TCF12: variants seen among roughly 807,000 people sequenced by gnomAD.
The protein encoded by TCF12 is transcription factor 12, also known as DNA-binding protein HTF4.
In TCF12, 45 loss-of-function variants were observed where a neutral mutation model predicts 86.0. That is an observed-to-expected ratio of 0.52 (90% CI 0.41 to 0.67). TCF12 has a LOEUF of 0.67. Among genes scored for constraint, TCF12 ranks in the 30% least tolerant of loss-of-function variants. The pLI, the probability that TCF12 is intolerant of heterozygous loss-of-function variation, is 0.00. For missense variants in TCF12, 881 were observed against 859.9 expected (o/e 1.02, Z -0.31); for synonymous variants, 330 against 299.6 (o/e 1.10, Z -1.05).
At position 57,288,273 on chromosome 15, in the gene TCF12, T is replaced by C. The variant is rs1169724845; in HGVS notation, c.*2128T>C. The C allele has an allele frequency of 6.6e-6, 1 of 152,658 alleles. No homozygotes were observed. The highest frequency in any genetic ancestry group is 1.5e-5 in the Non-Finnish European group (1 of 68,034). The allele number at this position is 152,658 out of a possible 1,614,324, so 9.5% of individuals were successfully genotyped here. A position where few individuals can be genotyped will look rare whatever the true frequency, so the allele number is the denominator to read the frequency against. On this transcript the variant is annotated 3_prime_UTR_variant, in exon 21 of 21. Transcript: ENST00000333725. ...CATAGTAGGATTCTAGCATACCGTG[T>C]AGTACCTATGGAGTATTGTAAGAGC...
intron 3 of TCF12, among the ~76,000 whole-genome samples, chr15:56,943,511 T>C (rs527663061): frequency 6.6e-6 from 1 of 152,332 alleles, no homozygotes; most frequent in South Asian, 2.1e-4. Context: ...TTTATATGAA[T>C]TATTTAACAT....
chr15:57,035,067 T>G (rs1178484533), intron 3 of TCF12, among the ~76,000 whole-genome samples: 2 of 152,224 alleles, frequency 1.3e-5, no homozygotes, highest in Non-Finnish European at 2.9e-5. Context: ...TAACATTTTC[T>G]TAATACTTTT....
chr15:57,070,629 ATTTTG>A (rs1472766954), intron 4 of TCF12, among the ~76,000 whole-genome samples: 2 of 152,214 alleles, frequency 1.3e-5, no homozygotes, highest in African/African-American at 4.8e-5. Flanking sequence ...GGGAACTTTA[ATTTTG>A]TTTAGCGCTC....
intron 3 of TCF12, among the ~76,000 whole-genome samples, chr15:57,033,199 T>C (rs1439828682): frequency 1.3e-5 from 2 of 152,094 alleles, no homozygotes; most frequent in Admixed American, 6.5e-5. Flanking sequence ...GGACTAAAAC[T>C]TATGTCATTG....
At chr15:57,252,375 A>G in intron 14 of TCF12, 46 bp from the exon 15 acceptor site, 1 of 1,486,246 alleles carries the variant, frequency 6.7e-7, no homozygotes, top group Non-Finnish European at 9.4e-7. Context: ...TTTTGGAGTT[A>G]ATCTTAACCT....
At chr15:57,170,711 TAA>T (rs1491310695) in intron 6 of TCF12, among the ~76,000 whole-genome samples, 6 of 14,940 alleles carry the variant, frequency 4.0e-4, no homozygotes, top group South Asian at 1.3e-3. Context: ...ATATAATATA[TAA>T]TATATATATT....
At chr15:56,978,400 G>A (rs1197778651) in intron 3 of TCF12, among the ~76,000 whole-genome samples, 3 of 152,142 alleles carry the variant, frequency 2.0e-5, no homozygotes, top group African/African-American at 7.2e-5. Context: ...ATATGAACGA[G>A]AATGAAGTTC....
intron 8 of TCF12, among the ~76,000 whole-genome samples, chr15:57,220,555 A>G (rs2058542589): frequency 6.6e-6 from 1 of 152,238 alleles, no homozygotes; most frequent in Non-Finnish European, 1.5e-5. Flanking sequence ...GTTGATTTAT[A>G]GCAAGCACAT....
At chr15:57,025,493 G>A (rs1165484997) in intron 3 of TCF12, among the ~76,000 whole-genome samples, 1 of 152,006 alleles carries the variant, frequency 6.6e-6, no homozygotes, top group African/African-American at 2.4e-5. Flanking sequence ...TTTGACCACA[G>A]AACCTGTTTT....
chr15:57,054,699 C>T (rs2067866504), intron 3 of TCF12, among the ~76,000 whole-genome samples: 1 of 144,098 alleles, frequency 6.9e-6, no homozygotes, highest in Non-Finnish European at 1.5e-5. Context: ...TTTTGTTTTA[C>T]TGTATCTCCA....
chr15:57,040,808 TACTC>T (rs1367990540), intron 3 of TCF12, among the ~76,000 whole-genome samples: 1 of 152,210 alleles, frequency 6.6e-6, no homozygotes, highest in Non-Finnish European at 1.5e-5. Context: ...GTAATTAACT[TACTC>T]ATAATATGGA....
chr15:57,212,689 C>T (rs1404860690), intron 8 of TCF12, among the ~76,000 whole-genome samples: 2 of 152,132 alleles, frequency 1.3e-5, no homozygotes, highest in African/African-American at 4.8e-5. Context: ...GGGTGGAGTG[C>T]ATAATAAAAT....
intron 3 of TCF12, among the ~76,000 whole-genome samples, chr15:57,005,774 T>C (rs1310909337): frequency 6.6e-6 from 1 of 152,116 alleles, no homozygotes; most frequent in Non-Finnish European, 1.5e-5. Flanking sequence ...CTCACTATGC[T>C]GCCCAGGCTG....
rs1597608434 is a variant in TCF12, at chr15:57,247,194, C to G, written c.1114+3644C>G. The G allele has an allele frequency of 6.6e-6, 4 of 605,124 alleles. No individual in the cohort carries two copies. In the East Asian group the frequency reaches 1.3e-4, roughly 19 times the overall value. The allele number at this position is 605,124 out of a possible 1,614,324, so 37.5% of individuals were successfully genotyped here. A position where few individuals can be genotyped will look rare whatever the true frequency, so the allele number is the denominator to read the frequency against. On this transcript the variant is annotated intron_variant, in intron 13 of 20. Coordinates refer to ENST00000333725, the MANE Select transcript of TCF12 (RefSeq NM_207037.2). ...ATCCTTGGTCCATCACCATCATAGC[C>G]CCCTCTACTACTGTAACCAGGACTA...
At chr15:57,170,678 ATATT>A (rs1567557969) in intron 6 of TCF12, among the ~76,000 whole-genome samples, 1 of 1,438 alleles carries the variant, frequency 7.0e-4, no homozygotes, top group African/African-American at 1.8e-3. Flanking sequence ...TATATATAAT[ATATT>A]ATATATAATA....
chr15:57,067,843 C>T (rs1188651231), intron 4 of TCF12, among the ~76,000 whole-genome samples: 1 of 152,100 alleles, frequency 6.6e-6, no homozygotes, highest in Non-Finnish European at 1.5e-5. Flanking sequence ...AAAGGTAAAG[C>T]ACCTGAGACT....
At chr15:56,927,655 GTGTA>G (rs1214977780) in intron 3 of TCF12, among the ~76,000 whole-genome samples, 1 of 152,068 alleles carries the variant, frequency 6.6e-6, no homozygotes, top group African/African-American at 2.4e-5. Context: ...CCACCTTTTT[GTGTA>G]TGTATATGTT....
chr15:56,984,001 CAAAAAAAAAA>C (rs71113046), intron 3 of TCF12, among the ~76,000 whole-genome samples: 3 of 43,058 alleles, frequency 7.0e-5, no homozygotes. Context: ...GACCCTGTCT[CAAAAAAAAAA>C]AAAAAGAAGA....
chr15:57,274,007 A>T (rs1204671188), intron 19 of TCF12, among the ~76,000 whole-genome samples: 2 of 152,188 alleles, frequency 1.3e-5, no homozygotes, highest in Non-Finnish European at 2.9e-5. Flanking sequence ...GAAGCTTCTT[A>T]TCTTTAAGAG....
Sources: gnomAD v4.1 joint callset for allele counts (sites outside exome capture counted in the v4.1 genomes callset) on GRCh38, gnomAD v4.1.1 for gene constraint, MANE v1.5 for transcripts, NCBI Gene and HGNC (gene_info 2026-07-23, HGNC 2026-07-21) for gene names.